SLC44A2: variants seen among roughly 807,000 people sequenced by gnomAD.
SLC44A2 encodes the protein solute carrier family 44 member 2 (CTL2 blood group), also known as choline transporter-like protein 2.
SLC44A2 carries 57 observed loss-of-function variants against 90.8 expected under a neutral mutation model. That is an observed-to-expected ratio of 0.63 (90% CI 0.51 to 0.78). SLC44A2 has a LOEUF of 0.78. SLC44A2 is among the 30% of genes least tolerant of loss of function. The pLI is 0.00. For synonymous variants in SLC44A2, 355 were observed against 360.7 expected, an observed-to-expected ratio of 0.98 and a Z score of 0.18; for missense variants, 794 against 919.7, an observed-to-expected ratio of 0.86 and a Z score of 1.77.
intron 4 of SLC44A2, among the ~76,000 whole-genome samples, chr19:10,628,925 C>T (rs2066963567): frequency 6.6e-6 from 1 of 151,882 alleles, no homozygotes; most frequent in African/African-American, 2.4e-5. Flanking sequence ...GCTTAGAATG[C>T]CACCTGGCAT....
chr19:10,623,097 A>G (rs1177850956), upstream of SLC44A2, among the ~76,000 whole-genome samples: 1 of 151,962 alleles, frequency 6.6e-6, no homozygotes, highest in Non-Finnish European at 1.5e-5. Context: ...AGTTGGGAAG[A>G]GAAGAGGCCT....
Position 10,627,828 on chromosome 19 carries a change from A to G in SLC44A2, c.160+33A>G, listed in dbSNP as rs762584924. On this transcript the variant is annotated intron_variant, in intron 3 of 21. Transcript: ENST00000335757. Reference sequence around the variant, plus strand: ...GAGAATGAGCAGGACTTGGAGTTGCAGGGTAGGCGGAGGCAGCCATGGCCT... The same window carrying G: ...GAGAATGAGCAGGACTTGGAGTTGCGGGGTAGGCGGAGGCAGCCATGGCCT... 1.7e-5 allele frequency: 28 copies of G among 1,613,510 alleles called. No individual in the cohort carries two copies. In the East Asian group the frequency reaches 6.0e-4, roughly 35 times the overall value.
chr19:10,643,255 C>A (rs779530079), intron 21 of SLC44A2, 24 bp from the exon 22 acceptor site: 1 of 1,600,638 alleles, frequency 6.2e-7, no homozygotes, highest in South Asian at 1.1e-5. Context: ...CTCATGCCTC[C>A]TGCTCTGGGA....
At chr19:10,636,077 C>T in intron 14 of SLC44A2, 1 of 523,966 alleles carries the variant, frequency 1.9e-6, no homozygotes, top group East Asian at 3.3e-5. Context: ...TCGCCCGGCC[C>T]ATTTTTCCCC....
At chr19:10,619,942 G>A (rs953922604) in intron 1 of SLC44A2, among the ~76,000 whole-genome samples, 4 of 151,994 alleles carry the variant, frequency 2.6e-5, no homozygotes, top group African/African-American at 9.7e-5. Context: ...GTGACAGAGC[G>A]AGACTCCGTC....
chr19:10,630,496 A>C (rs187116121), intron 4 of SLC44A2, among the ~76,000 whole-genome samples: 80 of 151,588 alleles, frequency 5.3e-4, no homozygotes, highest in African/African-American at 1.9e-3. Flanking sequence ...GTCTCCACTA[A>C]AAATACAAAA....
intron 1 of SLC44A2, among the ~76,000 whole-genome samples, chr19:10,616,318 T>G (rs1310895183): frequency 1.8e-4 from 28 of 151,966 alleles, no homozygotes; most frequent in Admixed American, 1.8e-3. Context: ...GCAACCTCCG[T>G]CTCCCCCGGC....
At chr19:10,614,895 C>T (rs1262059315) in intron 1 of SLC44A2, among the ~76,000 whole-genome samples, 6 of 145,800 alleles carry the variant, frequency 4.1e-5, no homozygotes, top group Admixed American at 2.1e-4. Flanking sequence ...CTCTTGAACC[C>T]GGGAGGTAGA....
chr19:10,637,752 G>A lies in SLC44A2; in HGVS notation c.1695+5G>A. ...AATAGGAATGCCTACATCATGGTGA[G>A]TGGGCCTGGGACCCCCAACCAACCC... On this transcript the variant is annotated splice_donor_5th_base_variant and intron_variant, in intron 17 of 21. Coordinates refer to ENST00000335757, the MANE Select transcript of SLC44A2 (RefSeq NM_020428.4). 6.2e-7 allele frequency: 1 copy of A among 1,614,010 alleles called. No individual in the cohort carries two copies.
At chr19:10,613,728 G>A (rs989569672) in intron 1 of SLC44A2, among the ~76,000 whole-genome samples, 1 of 152,068 alleles carries the variant, frequency 6.6e-6, no homozygotes, top group African/African-American at 2.4e-5. Flanking sequence ...GGAGGACATG[G>A]AACGACGGAA....
chr19:10,629,840 G>A lies in SLC44A2; in HGVS notation c.246-1217G>A, dbSNP rs370224457. On this transcript the variant is annotated intron_variant, in intron 4 of 21. Transcript: ENST00000335757. ...GCGATCTTGGCTCACTGCAACCTCC[G>A]CCACCCAGGTTCAAGCAATTCTCCT... is the stretch of plus-strand genomic sequence containing the variant. Among the ~76,000 whole-genome samples the A allele has an allele frequency of 3.1e-3, 469 of 150,902 alleles. 1 individual carries two copies. Among genetic ancestry groups the A allele is most frequent in the African/African-American group, 0.011 (451 of 41,080 alleles).
intron 4 of SLC44A2, among the ~76,000 whole-genome samples, chr19:10,630,127 G>A (rs2066978115): frequency 6.6e-6 from 1 of 152,086 alleles, no homozygotes; most frequent in African/African-American, 2.4e-5. Context: ...ACTTAGGGAG[G>A]CCCAGACTGG....
At chr19:10,608,929 T>A (rs1918198886) in intron 1 of SLC44A2, among the ~76,000 whole-genome samples, 2 of 149,158 alleles carry the variant, frequency 1.3e-5, no homozygotes, top group African/African-American at 4.9e-5. Flanking sequence ...GGGGCTAGAG[T>A]CGTGAGCCAC....
At chr19:10,637,778 G>A (rs200312220) in intron 17 of SLC44A2, 31 bp downstream of exon 17, 526 of 1,612,610 alleles carry the variant, frequency 3.3e-4, no homozygotes, top group Admixed American at 4.7e-4. Context: ...CAACCAACCC[G>A]CCAGCTCCTG....
intron 10 of SLC44A2, among the ~76,000 whole-genome samples, chr19:10,634,329 T>C (rs896514116): frequency 8.6e-5 from 13 of 150,744 alleles, no homozygotes; most frequent in Non-Finnish European, 7.4e-5. Flanking sequence ...CCGGGCATGG[T>C]GGCGCATGCC....
chr19:10,608,208 G>A (rs1264875212), intron 1 of SLC44A2, among the ~76,000 whole-genome samples: 1 of 149,030 alleles, frequency 6.7e-6, no homozygotes, highest in African/African-American at 2.5e-5. Flanking sequence ...GGGCAACAGA[G>A]CGAGACTCCG....
chr19:10,636,502 C>T lies in SLC44A2; in HGVS notation c.1413C>T (p.Ala471=), dbSNP rs200633165. Residue 471 remains alanine (A), a synonymous_variant, in exon 15 of 22, where the codon GCC becomes GCT. Transcript: ENST00000335757. ...TGGGCCAGGTCACGCTGGCCGGGGC[C>T]TTTGCCTCCTACTACTGGGCCCTGC... The part of the protein sequence containing the change: ...LALGQVTLAG[A]FASYYWALRK... The T allele has an allele frequency of 6.2e-7, 1 of 1,612,506 alleles. No homozygotes were observed. Among genetic ancestry groups the T allele is most frequent in the Admixed American group, 1.7e-5 (1 of 60,012 alleles).
chr19:10,635,318 A>T, intron 13 of SLC44A2, 63 bp downstream of exon 13: 2 of 1,606,688 alleles, frequency 1.2e-6, no homozygotes, highest in Non-Finnish European at 8.5e-7. Flanking sequence ...TTTGCCTAGA[A>T]GTGACCTGCA....
chr19:10,627,881 G>A (rs2066950997), intron 3 of SLC44A2, 39 bp from the exon 4 acceptor site: 2 of 1,611,940 alleles, frequency 1.2e-6, no homozygotes, highest in South Asian at 1.1e-5. Flanking sequence ...CTGGATCTGA[G>A]GAGTGGCAGT....
Sources: allele counts gnomAD v4.1 joint callset (sites outside exome capture counted in the v4.1 genomes callset), GRCh38; gene constraint gnomAD v4.1.1; transcripts MANE v1.5; gene names NCBI Gene and HGNC (gene_info 2026-07-23, HGNC 2026-07-21).